SIRT4: variants seen among roughly 807,000 people sequenced by gnomAD.
SIRT4 encodes NAD-dependent protein lipoamidase sirtuin-4, mitochondrial.
Under a neutral mutation model 26.1 loss-of-function variants are expected in SIRT4, and 23 were observed. That is an observed-to-expected ratio of 0.88 (90% CI 0.63 to 1.25). The LOEUF (loss-of-function observed/expected upper bound fraction) is 1.25, where lower values mean the gene tolerates loss of function less well. Ranked by LOEUF, SIRT4 falls within the 50% of genes most tolerant of loss-of-function variation. The pLI is 0.00. For missense variants in SIRT4, 361 were observed against 405.4 expected (o/e 0.89, Z 0.94); for synonymous variants, 155 against 158.4 (o/e 0.98, Z 0.16).
chr12:120,291,803 T>C, the SIRT4 span: 2 of 152,214 alleles, frequency 1.3e-5, no homozygotes, highest in Non-Finnish European at 2.9e-5. Flanking sequence ...GCCGACTATA[T>C]TTCAAGTCGT....
At chr12:120,296,086 CAAAAAAAAAAAAAAA>C in the SIRT4 span, among the ~76,000 whole-genome samples, 3 of 40,192 alleles carry the variant, frequency 7.5e-5, no homozygotes, top group South Asian at 1.3e-3. Flanking sequence ...GACTCCGTCT[CAAAAAAAAAAAAAAA>C]AAAAAAAAAA....
rs114623397 is a variant in SIRT4, at chr12:120,302,566, T to G, written c.-2+188T>G. Among the ~76,000 whole-genome samples the G allele has an allele frequency of 7.3e-3, 1,116 of 152,244 alleles. 11 individuals are homozygous for G. The highest frequency in any genetic ancestry group is 0.025 in the African/African-American group (1,058 of 41,540). On this transcript the variant is annotated intron_variant, in intron 1 of 3. Transcript: ENST00000202967. ...CCGGACTGTGTGTTTGTTCAGCTGT[T>G]CACGTTTTGCTGTGGAATGTCAAGG...
At chr12:120,294,859 G>A in the SIRT4 span, among the ~76,000 whole-genome samples, 3 of 142,296 alleles carry the variant, frequency 2.1e-5, no homozygotes, top group Admixed American at 7.4e-5. Context: ...GGGGAGTCTC[G>A]CTCTGTTGCC....
intron 2 of SIRT4, among the ~76,000 whole-genome samples, chr12:120,311,226 A>G (rs1872956466): frequency 6.7e-6 from 1 of 149,892 alleles, no homozygotes; most frequent in African/African-American, 2.5e-5. Flanking sequence ...GTGGTGGTGC[A>G]TGCCTGTAAT....
the SIRT4 span, among the ~76,000 whole-genome samples, chr12:120,292,382 C>T: frequency 8.7e-4 from 133 of 152,258 alleles, no homozygotes; most frequent in Non-Finnish European, 1.6e-3. Flanking sequence ...GCGGGTGGAT[C>T]ACGAGGTCAG....
upstream of SIRT4, chr12:120,302,214 G>C (rs764307000): frequency 1.3e-5 from 2 of 152,142 alleles, no homozygotes; most frequent in Non-Finnish European, 2.9e-5. Context: ...AGCCGACAGG[G>C]GGCGTTCCTG....
At chr12:120,293,859 T>G in the SIRT4 span, among the ~76,000 whole-genome samples, 9 of 152,082 alleles carry the variant, frequency 5.9e-5, no homozygotes, top group Non-Finnish European at 1.0e-4. Flanking sequence ...ACTTTATATA[T>G]ATATAAATGG....
At chr12:120,305,714 T>C (rs1466940444) in intron 2 of SIRT4, among the ~76,000 whole-genome samples, 2 of 152,084 alleles carry the variant, frequency 1.3e-5, no homozygotes, top group South Asian at 2.1e-4. Context: ...GGAAACTGCT[T>C]GTAAGAAAAT....
upstream of SIRT4, among the ~76,000 whole-genome samples, chr12:120,298,704 C>T (rs185884507): frequency 8.8e-3 from 1,173 of 133,190 alleles, 12 homozygotes; most frequent in African/African-American, 0.031. Flanking sequence ...GTCAGGAGTT[C>T]GAGACCATGC....
chr12:120,296,086 CAAAAAAAAAAAA>C, the SIRT4 span, among the ~76,000 whole-genome samples: 4 of 40,192 alleles, frequency 1.0e-4, no homozygotes, highest in African/African-American at 3.2e-4. Context: ...GACTCCGTCT[CAAAAAAAAAAAA>C]AAAAAAAAAA....
intron 2 of SIRT4, among the ~76,000 whole-genome samples, chr12:120,304,835 A>ATATATATATATAT (rs1872689615): frequency 1.2e-4 from 3 of 24,876 alleles, no homozygotes; most frequent in South Asian, 2.4e-3. Context: ...ATATATATAT[A>ATATATATATATAT]TTTTTTTTTT....
chr12:120,294,040 G>C, the SIRT4 span, among the ~76,000 whole-genome samples: 2 of 45,942 alleles, frequency 4.4e-5, no homozygotes, highest in South Asian at 1.6e-3. Flanking sequence ...TTTTGCTCTT[G>C]TTGCCCAGGC....
the SIRT4 span, chr12:120,293,047 C>G: frequency 6.7e-6 from 1 of 149,756 alleles, no homozygotes; most frequent in East Asian, 2.0e-4. Context: ...AACCAAGCAC[C>G]CCCACACACA....
At chr12:120,302,761 C>A (rs543369728) in intron 1 of SIRT4, among the ~76,000 whole-genome samples, 9 of 150,746 alleles carry the variant, frequency 6.0e-5, no homozygotes, top group African/African-American at 1.7e-4. Context: ...GCTTCTTCGC[C>A]CAGGCTGGAG....
intron 2 of SIRT4, among the ~76,000 whole-genome samples, chr12:120,306,211 C>T (rs1872739918): frequency 1.3e-5 from 2 of 151,920 alleles, no homozygotes; most frequent in South Asian, 4.2e-4. Flanking sequence ...CACGGTGGCT[C>T]GCGCCTGTAA....
intron 2 of SIRT4, among the ~76,000 whole-genome samples, chr12:120,310,683 C>G (rs897210706): frequency 2.6e-5 from 4 of 151,536 alleles, no homozygotes; most frequent in Non-Finnish European, 5.9e-5. Context: ...CTGCAGTGAG[C>G]TATGATCATG....
the SIRT4 span, among the ~76,000 whole-genome samples, chr12:120,295,349 G>T: frequency 6.7e-6 from 1 of 148,576 alleles, no homozygotes; most frequent in Non-Finnish European, 1.5e-5. Context: ...CAAGTAGCTG[G>T]GATGACAGGT....
chr12:120,294,454 A>G, the SIRT4 span, among the ~76,000 whole-genome samples: 1 of 151,904 alleles, frequency 6.6e-6, no homozygotes, highest in Non-Finnish European at 1.5e-5. Flanking sequence ...ACGGGGTTTC[A>G]CCATGTTGGT....
chr12:120,300,110 C>A (rs926465849), upstream of SIRT4, among the ~76,000 whole-genome samples: 1 of 151,938 alleles, frequency 6.6e-6, no homozygotes, highest in Non-Finnish European at 1.5e-5. Flanking sequence ...CATAGTGAGA[C>A]CGTGTCTCGA....
Sources: gnomAD v4.1 joint callset for allele counts (sites outside exome capture counted in the v4.1 genomes callset) on GRCh38, gnomAD v4.1.1 for gene constraint, MANE v1.5 for transcripts, NCBI Gene and HGNC (gene_info 2026-07-23, HGNC 2026-07-21) for gene names.